The following SPAG16 variants were observed in gnomAD, a reference collection of about 807,000 sequenced individuals.
The protein encoded by SPAG16 is sperm associated antigen 16, also known as sperm-associated antigen 16 protein.
A neutral mutation model predicts 80.4 loss-of-function variants in SPAG16; 86 were observed. The ratio of observed to expected loss-of-function variants is 1.07; its 90% CI spans 0.90 to 1.28. SPAG16 has a LOEUF of 1.28. SPAG16 is among the 50% of genes most tolerant of loss of function. The pLI, the probability that SPAG16 is intolerant of heterozygous loss-of-function variation, is 0.00. For missense variants in SPAG16, 870 were observed against 765.3 expected (o/e 1.14, Z -1.61); for synonymous variants, 294 against 265.9 (o/e 1.11, Z -1.03).
intron 10 of SPAG16, among the ~76,000 whole-genome samples, chr2:213,796,713 G>GTA (rs897427360): frequency 1.1e-4 from 16 of 151,984 alleles, no homozygotes; most frequent in African/African-American, 3.6e-4. Context: ...TCATAAAAAA[G>GTA]TATAGCACAT....
intron 15 of SPAG16, among the ~76,000 whole-genome samples, chr2:214,297,895 T>C (rs1172918204): frequency 6.6e-6 from 1 of 151,464 alleles, no homozygotes; most frequent in African/African-American, 2.4e-5. Context: ...ACATTAGTAA[T>C]TTGATAGAAA....
chr2:214,329,506 A>C (rs1017369165), intron 15 of SPAG16, among the ~76,000 whole-genome samples: 3 of 152,186 alleles, frequency 2.0e-5, no homozygotes, highest in African/African-American at 7.2e-5. Context: ...TGCAAATTGA[A>C]GCTAGATGAT....
intron 10 of SPAG16, among the ~76,000 whole-genome samples, chr2:213,625,855 T>A (rs2061943074): frequency 6.6e-6 from 1 of 151,790 alleles, no homozygotes; most frequent in Non-Finnish European, 1.5e-5. Context: ...ACCCAGCTAA[T>A]TTTTTTGTAT....
intron 15 of SPAG16, among the ~76,000 whole-genome samples, chr2:214,363,235 A>G (rs940277175): frequency 6.6e-6 from 1 of 151,938 alleles, no homozygotes; most frequent in African/African-American, 2.4e-5. Context: ...GTACTTCTGC[A>G]ATTCTCATTC....
intron 13 of SPAG16, among the ~76,000 whole-genome samples, chr2:214,067,059 A>T (rs2050565262): frequency 6.6e-6 from 1 of 152,160 alleles, no homozygotes; most frequent in Admixed American, 6.6e-5. Context: ...GCAGTGCAGG[A>T]AGCCTCAGCA....
At chr2:213,935,199 C>T (rs1348132062) in intron 12 of SPAG16, among the ~76,000 whole-genome samples, 3 of 57,804 alleles carry the variant, frequency 5.2e-5, no homozygotes, top group Non-Finnish European at 1.0e-4. Context: ...GAGACTCCAT[C>T]TCAAAAAAAA....
chr2:214,407,297 G>T (rs895284507), intron 15 of SPAG16, among the ~76,000 whole-genome samples: 15 of 151,758 alleles, frequency 9.9e-5, no homozygotes, highest in South Asian at 2.1e-4. Context: ...AATCTGTTCA[G>T]AAATTACATG....
intron 14 of SPAG16, among the ~76,000 whole-genome samples, chr2:214,125,882 A>C (rs868714110): frequency 5.3e-5 from 8 of 151,668 alleles, no homozygotes; most frequent in South Asian, 4.1e-4. Context: ...TTTGATGCTT[A>C]GATTTAATGA....
At chr2:213,988,498 A>G (rs2046126442) in intron 12 of SPAG16, among the ~76,000 whole-genome samples, 1 of 152,096 alleles carries the variant, frequency 6.6e-6, no homozygotes, top group Non-Finnish European at 1.5e-5. Context: ...AATAGCTCAA[A>G]GGTTAAAGAG....
chr2:214,360,073 C>T (rs1559241653), intron 15 of SPAG16, among the ~76,000 whole-genome samples: 1 of 151,852 alleles, frequency 6.6e-6, no homozygotes, highest in Non-Finnish European at 1.5e-5. Flanking sequence ...TTCCCTACCA[C>T]CTTCAGTCAG....
chr2:213,440,113 G>C (rs1019376653), intron 9 of SPAG16, among the ~76,000 whole-genome samples: 1 of 152,136 alleles, frequency 6.6e-6, no homozygotes, highest in African/African-American at 2.4e-5. Flanking sequence ...GCAGTTTTGT[G>C]TGTGTGTGTG....
At chr2:214,103,386 A>T (rs925004430) in intron 13 of SPAG16, among the ~76,000 whole-genome samples, 1 of 152,158 alleles carries the variant, frequency 6.6e-6, no homozygotes, top group Non-Finnish European at 1.5e-5. Context: ...ACTCAGTCAC[A>T]TGGCCACGCC....
intron 9 of SPAG16, among the ~76,000 whole-genome samples, chr2:213,397,920 A>G (rs1036348764): frequency 6.6e-5 from 10 of 151,930 alleles, no homozygotes; most frequent in African/African-American, 1.2e-4. Context: ...CATATATCCA[A>G]CTGCTTACTG....
intron 13 of SPAG16, among the ~76,000 whole-genome samples, chr2:214,049,854 T>TA (rs1553704012): frequency 3.3e-5 from 5 of 152,166 alleles, no homozygotes; most frequent in South Asian, 2.1e-4. Context: ...TAAACTTTTT[T>TA]AAAAAAATAC....
intron 15 of SPAG16, among the ~76,000 whole-genome samples, chr2:214,169,067 A>G (rs1437359110): frequency 1.3e-5 from 2 of 152,120 alleles, no homozygotes; most frequent in Non-Finnish European, 2.9e-5. Flanking sequence ...TTCCAGAAAC[A>G]CCATCTTTCT....
chr2:214,038,141 C>A lies in SPAG16; in HGVS notation c.1527+24064C>A, dbSNP rs960984538. Reference sequence around the variant, plus strand: ...GTTATATTTGCTGTGTTTCTCTATACAAAGTAGAGTATTGACCTCTTTTAT... The same window carrying A: ...GTTATATTTGCTGTGTTTCTCTATAAAAAGTAGAGTATTGACCTCTTTTAT... On this transcript the variant is annotated intron_variant, in intron 13 of 15. Coordinates refer to ENST00000331683, the MANE Select transcript of SPAG16 (RefSeq NM_024532.5). 2.6e-5 allele frequency among the ~76,000 whole-genome samples: 4 copies of A among 152,196 alleles called. No homozygotes were observed. The East Asian group carries it at 7.7e-4, about 29-fold the overall frequency.
intron 9 of SPAG16, among the ~76,000 whole-genome samples, chr2:213,378,411 G>A (rs2067001655): frequency 6.6e-6 from 1 of 152,034 alleles, no homozygotes; most frequent in Admixed American, 6.5e-5. Context: ...ACAATAATAA[G>A]GTCATAATTA....
chr2:214,103,152 C>T (rs1046831577), intron 13 of SPAG16, among the ~76,000 whole-genome samples: 1 of 152,128 alleles, frequency 6.6e-6, no homozygotes, highest in Non-Finnish European at 1.5e-5. Flanking sequence ...AACACACATG[C>T]CCAAGAAGCT....
At chr2:213,376,768 G>C (rs762031194) in intron 9 of SPAG16, among the ~76,000 whole-genome samples, 3 of 152,076 alleles carry the variant, frequency 2.0e-5, no homozygotes, top group African/African-American at 7.2e-5. Context: ...TGCTATGTCT[G>C]TAAATTAATA....
Sources: allele counts gnomAD v4.1 joint callset (sites outside exome capture counted in the v4.1 genomes callset), GRCh38; gene constraint gnomAD v4.1.1; transcripts MANE v1.5; gene names NCBI Gene and HGNC (gene_info 2026-07-23, HGNC 2026-07-21).